The following RIMKLB variants were observed in gnomAD, a reference collection of about 807,000 sequenced individuals.
The protein encoded by RIMKLB is ribosomal modification protein rimK like family member B.
In RIMKLB, 7 loss-of-function variants were observed where a neutral mutation model predicts 32.0. The ratio of observed to expected loss-of-function variants is 0.22; its 90% CI spans 0.12 to 0.41. RIMKLB has a LOEUF of 0.41. Among genes scored for constraint, RIMKLB ranks in the 10% least tolerant of loss-of-function variants. The pLI is 1.00. For missense variants in RIMKLB, 289 were observed against 498.7 expected (o/e 0.58, Z 4.00); for synonymous variants, 172 against 185.1 (o/e 0.93, Z 0.57).
rs370221926 is a variant in RIMKLB, at chr12:8,775,739, G to A, written c.*1955G>A. The A allele has an allele frequency of 4.5e-5, 44 of 984,996 alleles. 1 individual carries two copies. The East Asian group carries it at 5.7e-4, about 13-fold the overall frequency. 61.0% of individuals were successfully genotyped at this position (984,996 alleles called of 1,614,324 possible). On this transcript the variant is annotated 3_prime_UTR_variant, in exon 6 of 6. Transcript: ENST00000535829. ...ATTAAAATTGAGTGAAAGGTTGATTGTTGATGAATAGAATAGTACCTCTCA... is the reference window on the plus strand; with the variant it reads ...ATTAAAATTGAGTGAAAGGTTGATTATTGATGAATAGAATAGTACCTCTCA...
upstream of RIMKLB, chr12:8,697,692 C>G (rs774311402): frequency 3.3e-6 from 1 of 303,600 alleles, no homozygotes; most frequent in South Asian, 2.2e-5. Context: ...TTTTCGCTCC[C>G]CGCGCGCGAT....
At chr12:8,749,714 C>T (rs1284330552) in intron 2 of RIMKLB, 148 bp from the exon 3 acceptor site, 2 of 565,038 alleles carry the variant, frequency 3.5e-6, no homozygotes, top group African/African-American at 1.9e-5. Context: ...ATTAAATTTT[C>T]TTTTTTCTTA....
rs1283954927 is a variant in RIMKLB, at chr12:8,773,798, TAAC to T, written c.*15_*17del. 1 of 1,593,644 alleles carries T rather than the reference TAAC, an allele frequency of 6.3e-7. No individual in the cohort carries two copies. On this transcript the variant is annotated 3_prime_UTR_variant, in exon 6 of 6. Transcript: ENST00000535829. ...CTGGTGGACTGACTCCACTGGTAAT[TAAC>T]CAACAAAACCCTTGTAAAACTTTCT...
chr12:8,741,094 T>A (rs970902993), intron 2 of RIMKLB, among the ~76,000 whole-genome samples: 1 of 152,024 alleles, frequency 6.6e-6, no homozygotes, highest in African/African-American at 2.4e-5. Context: ...TAGTCCCAGC[T>A]ACTTGGGAGG....
At chr12:8,755,436 A>G (rs1421357151) in intron 5 of RIMKLB, among the ~76,000 whole-genome samples, 1 of 151,996 alleles carries the variant, frequency 6.6e-6, no homozygotes, top group African/African-American at 2.4e-5. Context: ...TGTTTTTCTG[A>G]TTTAGACCCA....
the RIMKLB span, among the ~76,000 whole-genome samples, chr12:8,674,667 A>G: frequency 2.0e-5 from 3 of 151,502 alleles, no homozygotes; most frequent in Non-Finnish European, 2.9e-5. Flanking sequence ...CTCCTGCCTG[A>G]GCCTCCCAAG....
At chr12:8,675,751 G>A in the RIMKLB span, among the ~76,000 whole-genome samples, 2 of 151,362 alleles carry the variant, frequency 1.3e-5, no homozygotes, top group South Asian at 2.1e-4. Flanking sequence ...GGTTATAAAA[G>A]TGTTTCTTTT....
intron 4 of RIMKLB, among the ~76,000 whole-genome samples, chr12:8,752,416 G>A (rs892237379): frequency 6.6e-6 from 1 of 152,148 alleles, no homozygotes; most frequent in Non-Finnish European, 1.5e-5. Context: ...GCCAGATGTG[G>A]TGGCATACGC....
chr12:8,691,469 G>A (rs940171227), intron 1 of RIMKLB, among the ~76,000 whole-genome samples: 1 of 151,978 alleles, frequency 6.6e-6, no homozygotes, highest in African/African-American at 2.4e-5. Context: ...AATTTGCCAG[G>A]TGCAGTGGTG....
upstream of RIMKLB, among the ~76,000 whole-genome samples, chr12:8,693,212 A>G (rs755704798): frequency 1.7e-4 from 26 of 152,286 alleles, no homozygotes; most frequent in South Asian, 5.4e-3. Context: ...TGGCTGATGT[A>G]GATATACTGT....
intron 2 of RIMKLB, chr12:8,742,503 C>A: frequency 2.4e-6 from 1 of 419,712 alleles, no homozygotes. Flanking sequence ...AGCAGGAACC[C>A]ACTTAGGGGG....
intron 2 of RIMKLB, among the ~76,000 whole-genome samples, chr12:8,735,120 A>T (rs1362000220): frequency 6.6e-6 from 1 of 152,232 alleles, no homozygotes; most frequent in Non-Finnish European, 1.5e-5. Context: ...AGGTCAAATC[A>T]AAAATTTTGT....
chr12:8,745,087 A>T (rs1480616396), intron 2 of RIMKLB, among the ~76,000 whole-genome samples: 1 of 151,890 alleles, frequency 6.6e-6, no homozygotes, highest in East Asian at 1.9e-4. Flanking sequence ...GAGTGAGAAC[A>T]TGCAGTGTTT....
At chr12:8,769,706 T>C (rs117808944) in intron 5 of RIMKLB, among the ~76,000 whole-genome samples, 5,332 of 152,274 alleles carry the variant, frequency 0.035, 126 homozygotes, top group Middle Eastern at 0.068. Flanking sequence ...TATTTTCTTA[T>C]GCTCATAATC....
Position 8,713,903 on chromosome 12 carries a change from A to C in RIMKLB, c.37A>C (p.Thr13Pro). The change falls in exon 2 of 6, where the codon ACA (threonine) becomes CCA (proline). Residue 13 changes from threonine to proline, a missense_variant. Thr to Pro is a conservative substitution (Grantham distance 38, BLOSUM62 -1). Transcript: ENST00000535829. Reference protein sequence around the residue: ...SSVAAKLWFLTDRRIREDYPQ... With the variant: ...SSVAAKLWFLPDRRIREDYPQ... ...TGTGGCTGCCAAGTTGTGGTTTTTGACAGATCGTCGCATCAGGGAAGACTA... is the reference window on the plus strand; with the variant it reads ...TGTGGCTGCCAAGTTGTGGTTTTTGCCAGATCGTCGCATCAGGGAAGACTA... 1 of 1,614,150 alleles carries C rather than the reference A, an allele frequency of 6.2e-7. No homozygotes were observed. Among genetic ancestry groups the C allele is most frequent in the Non-Finnish European group, 8.5e-7 (1 of 1,180,022 alleles).
chr12:8,735,580 A>AG (rs1946924785), intron 2 of RIMKLB, among the ~76,000 whole-genome samples: 1 of 152,094 alleles, frequency 6.6e-6, no homozygotes, highest in Admixed American at 6.6e-5. Context: ...TTTAAAACAG[A>AG]GGGGAAGTAT....
chr12:8,737,866 C>T (rs1947160075), intron 2 of RIMKLB, among the ~76,000 whole-genome samples: 2 of 152,164 alleles, frequency 1.3e-5, no homozygotes, highest in Non-Finnish European at 2.9e-5. Flanking sequence ...AGGCATGCGC[C>T]ACCACGCCCG....
intron 1 of RIMKLB, among the ~76,000 whole-genome samples, chr12:8,709,879 G>A (rs753490951): frequency 7.0e-6 from 1 of 142,656 alleles, no homozygotes; most frequent in Non-Finnish European, 1.5e-5. Context: ...CATAGTATAT[G>A]TACTATCTGC....
intron 4 of RIMKLB, among the ~76,000 whole-genome samples, chr12:8,753,419 G>A (rs923481422): frequency 3.9e-5 from 6 of 152,258 alleles, no homozygotes; most frequent in Admixed American, 1.3e-4. Context: ...AGCCACTTCC[G>A]TTGGCACAGA....
Sources: gnomAD v4.1 joint callset for allele counts (sites outside exome capture counted in the v4.1 genomes callset) on GRCh38, gnomAD v4.1.1 for gene constraint, MANE v1.5 for transcripts, NCBI Gene and HGNC (gene_info 2026-07-23, HGNC 2026-07-21) for gene names.